Variants in RASAL2 observed in about 807,000 individuals in gnomAD.
RASAL2 encodes ras GTPase-activating protein nGAP.
A neutral mutation model predicts 128.9 loss-of-function variants in RASAL2; 58 were observed. The observed-to-expected ratio is 0.45, with a 90% confidence interval of 0.36 to 0.56. The LOEUF is 0.56. Among genes scored for constraint, RASAL2 ranks in the 20% least tolerant of loss-of-function variants. The probability of loss-of-function intolerance (pLI) is 0.00; values close to 1 mark genes in which losing one functional copy is unlikely to be tolerated. For synonymous variants in RASAL2, 561 were observed against 580.8 expected (o/e 0.97, Z 0.49); for missense variants, 1,360 against 1,601.6 (o/e 0.85, Z 2.57).
At chr1:178,250,165 G>A (rs1664974517) in intron 1 of RASAL2, among the ~76,000 whole-genome samples, 1 of 152,190 alleles carries the variant, frequency 6.6e-6, no homozygotes, top group African/African-American at 2.4e-5. Context: ...GTCTGCTGAA[G>A]CTGCGCCCAC....
chr1:178,332,731 C>A (rs1557908291), intron 3 of RASAL2, among the ~76,000 whole-genome samples: 2 of 150,072 alleles, frequency 1.3e-5, no homozygotes, highest in Non-Finnish European at 3.0e-5. Flanking sequence ...CCTGCCTCAG[C>A]CTCCCAAATA....
chr1:178,284,957 C>T (rs1408755556), intron 2 of RASAL2, among the ~76,000 whole-genome samples: 1 of 152,034 alleles, frequency 6.6e-6, no homozygotes, highest in East Asian at 1.9e-4. Context: ...TCCCTACCTC[C>T]CCTTTCTCTT....
chr1:178,190,263 G>A (rs1278249221), intron 1 of RASAL2, among the ~76,000 whole-genome samples: 1 of 142,414 alleles, frequency 7.0e-6, no homozygotes, highest in African/African-American at 3.1e-5. Context: ...TTACGTATAT[G>A]TCTATATTTT....
rs34534441 is a variant in RASAL2 at position 178,458,109 on chromosome 1, C to G, written c.2817C>G (p.Ala939=). The G allele has an allele frequency of 6.2e-7, 1 of 1,614,198 alleles. No individual in the cohort carries two copies. The highest frequency in any genetic ancestry group is 8.5e-7 in the Non-Finnish European group (1 of 1,180,026). Residue 939 remains alanine (A), a synonymous_variant, in exon 14 of 18, where the codon GCC becomes GCG. Transcript: ENST00000367649. The part of the protein sequence containing the change: ...LNNPIPAMPK[A]SIDSSLENLS... ...ACCCAATTCCAGCAATGCCAAAGGC[C>G]TCTATAGATTCCAGTTTGGAGAACC... is the stretch of plus-strand genomic sequence containing the variant.
At position 178,442,740 on chromosome 1, in the gene RASAL2, T is replaced by G; in HGVS notation, c.993T>G (p.Pro331=). 2 of 1,613,764 alleles carry G rather than the reference T, an allele frequency of 1.2e-6. No homozygotes were observed. Among genetic ancestry groups the G allele is most frequent in the East Asian group, 2.2e-5 (1 of 44,864 alleles). The part of the protein sequence containing the change: ...LWIIEAKDLA[P]KKKYFCELCL... ...TCATTGAAGCCAAGGACCTTGCCCCTAAAAAGAAATATTTCTGCGAACTGT... is the reference window on the plus strand; with the variant it reads ...TCATTGAAGCCAAGGACCTTGCCCCGAAAAAGAAATATTTCTGCGAACTGT... Residue 331 remains proline (P), a synonymous_variant, in exon 8 of 18, where the codon CCT becomes CCG. Coordinates refer to ENST00000367649, the MANE Select transcript of RASAL2 (RefSeq NM_170692.4).
At chr1:178,133,833 C>T (rs1261256890) in intron 1 of RASAL2, among the ~76,000 whole-genome samples, 1 of 152,112 alleles carries the variant, frequency 6.6e-6, no homozygotes, top group Non-Finnish European at 1.5e-5. Flanking sequence ...CATTTATTTT[C>T]AGCTAATTAT....
At chr1:178,364,802 T>C (rs1671315197) in intron 3 of RASAL2, among the ~76,000 whole-genome samples, 1 of 152,188 alleles carries the variant, frequency 6.6e-6, no homozygotes, top group Non-Finnish European at 1.5e-5. Context: ...AATATAACTT[T>C]ATATTAAAGA....
At chr1:178,265,766 A>G (rs1194683833) in intron 1 of RASAL2, among the ~76,000 whole-genome samples, 1 of 152,224 alleles carries the variant, frequency 6.6e-6, no homozygotes, top group Non-Finnish European at 1.5e-5. Flanking sequence ...AAGCCCACTT[A>G]TGTCCTGTCC....
intron 3 of RASAL2, among the ~76,000 whole-genome samples, chr1:178,311,604 C>A (rs914526624): frequency 3.3e-5 from 5 of 151,946 alleles, no homozygotes; most frequent in Non-Finnish European, 7.4e-5. Flanking sequence ...GAGAACAGGG[C>A]ATTTTACCAC....
chr1:178,180,091 A>T (rs1009767886), intron 1 of RASAL2, among the ~76,000 whole-genome samples: 5 of 152,180 alleles, frequency 3.3e-5, no homozygotes, highest in Non-Finnish European at 7.3e-5. Context: ...AATCTACAGT[A>T]TAATCCTGTC....
chr1:178,339,951 A>T (rs1408041097), intron 3 of RASAL2, among the ~76,000 whole-genome samples: 17 of 152,154 alleles, frequency 1.1e-4, no homozygotes. Flanking sequence ...GGATTTCATG[A>T]CCTTATAATT....
chr1:178,215,756 A>G (rs1254306153), intron 1 of RASAL2, among the ~76,000 whole-genome samples: 1 of 152,158 alleles, frequency 6.6e-6, no homozygotes, highest in African/African-American at 2.4e-5. Context: ...TTTAGGGGTA[A>G]TTTCATTTAA....
chr1:178,243,249 A>T (rs1054140779), intron 1 of RASAL2, among the ~76,000 whole-genome samples: 4 of 152,120 alleles, frequency 2.6e-5, no homozygotes, highest in Non-Finnish European at 5.9e-5. Context: ...GTTTAGCTGG[A>T]GTTCCTACCG....
At chr1:178,318,478 C>T (rs1287412567) in intron 3 of RASAL2, among the ~76,000 whole-genome samples, 16 of 151,212 alleles carry the variant, frequency 1.1e-4, no homozygotes, top group East Asian at 5.8e-4. Flanking sequence ...TGGGTGCTCC[C>T]GTATTGGGTG....
At chr1:178,158,089 A>T (rs1661143311) in intron 1 of RASAL2, among the ~76,000 whole-genome samples, 1 of 152,226 alleles carries the variant, frequency 6.6e-6, no homozygotes, top group Admixed American at 6.5e-5. Context: ...ATATCAAGAG[A>T]CCAGGTTAGG....
At chr1:178,465,033 A>G (rs1467246188) in intron 15 of RASAL2, among the ~76,000 whole-genome samples, 2 of 152,022 alleles carry the variant, frequency 1.3e-5, no homozygotes, top group African/African-American at 4.8e-5. Flanking sequence ...CAACCAGACA[A>G]TTAGCTTCTT....
chr1:178,338,680 C>G (rs923927615), intron 3 of RASAL2, among the ~76,000 whole-genome samples: 3 of 152,148 alleles, frequency 2.0e-5, no homozygotes, highest in African/African-American at 7.2e-5. Context: ...TTACTTTTCT[C>G]TGTTTTCAAA....
chr1:178,264,230 G>C (rs1557864044), intron 1 of RASAL2, among the ~76,000 whole-genome samples: 1 of 152,102 alleles, frequency 6.6e-6, no homozygotes, highest in Non-Finnish European at 1.5e-5. Context: ...ATCTCTACCC[G>C]TTGCCTCAGC....
At chr1:178,184,267 T>G (rs965205109) in intron 1 of RASAL2, among the ~76,000 whole-genome samples, 8 of 152,178 alleles carry the variant, frequency 5.3e-5, no homozygotes, top group African/African-American at 1.4e-4. Context: ...TTGACTCTCT[T>G]ACCAGTGTGT....
Sources: gnomAD v4.1 joint callset for allele counts (sites outside exome capture counted in the v4.1 genomes callset) on GRCh38, gnomAD v4.1.1 for gene constraint, MANE v1.5 for transcripts, NCBI Gene and HGNC (gene_info 2026-07-23, HGNC 2026-07-21) for gene names.